Variants in DIAPH3 observed in about 807,000 individuals in gnomAD.
The protein encoded by DIAPH3 is diaphanous related formin 3.
A neutral mutation model predicts 144.3 loss-of-function variants in DIAPH3; 117 were observed. That is an observed-to-expected ratio of 0.81 (90% CI 0.70 to 0.95). The LOEUF is 0.95. Ranked by LOEUF, DIAPH3 falls within the 40% of genes least tolerant of loss-of-function variation. The pLI is 0.00. For missense variants in DIAPH3, 1,421 were observed against 1,412.7 expected, an observed-to-expected ratio of 1.01 and a Z score of -0.09; for synonymous variants, 519 against 488.9, an observed-to-expected ratio of 1.06 and a Z score of -0.81.
At chr13:60,082,364 C>T (rs1191814159) in intron 4 of DIAPH3, among the ~76,000 whole-genome samples, 2 of 146,606 alleles carry the variant, frequency 1.4e-5, no homozygotes, top group East Asian at 2.0e-4. Flanking sequence ...AAAAAGAAAA[C>T]CAAAGCAAAA....
chr13:59,905,980 G>A (rs1265416225), intron 20 of DIAPH3, among the ~76,000 whole-genome samples: 2 of 152,110 alleles, frequency 1.3e-5, no homozygotes, highest in Admixed American at 6.6e-5. Context: ...AGCAGCAACA[G>A]GAAACTAATA....
chr13:60,153,528 C>T (rs1951895621), intron 1 of DIAPH3: 1 of 152,122 alleles, frequency 6.6e-6, no homozygotes, highest in Admixed American at 6.6e-5. Flanking sequence ...ATATCTTCCT[C>T]AGCCTCTGGG....
chr13:59,978,584 T>C (rs2050804355), intron 14 of DIAPH3, among the ~76,000 whole-genome samples: 1 of 151,700 alleles, frequency 6.6e-6, no homozygotes, highest in Admixed American at 6.6e-5. Context: ...AATACTAAAG[T>C]AACTGTATTA....
At chr13:59,830,210 G>A (rs1268470589) in intron 24 of DIAPH3, among the ~76,000 whole-genome samples, 2 of 151,746 alleles carry the variant, frequency 1.3e-5, no homozygotes, top group Admixed American at 1.3e-4. Flanking sequence ...ACATTTATTT[G>A]TCAGGAGTTT....
intron 13 of DIAPH3, among the ~76,000 whole-genome samples, chr13:59,983,426 G>A (rs777479909): frequency 2.0e-5 from 3 of 151,474 alleles, no homozygotes; most frequent in Non-Finnish European, 4.4e-5. Flanking sequence ...CTTTAATAAA[G>A]TTAACATTTT....
Position 59,666,522 on chromosome 13 carries a change from G to T in DIAPH3, c.*62C>A. ...TTACATAAAAGCAATTTTTTCAAGT[G>T]TTATAGTTTAGAGCATGGCTTTATA... On this transcript the variant is annotated 3_prime_UTR_variant, in exon 28 of 28. Coordinates refer to ENST00000400324, the MANE Select transcript of DIAPH3 (RefSeq NM_001042517.2). The T allele has an allele frequency of 1.3e-6, 2 of 1,594,372 alleles. No homozygotes were observed. The highest frequency in any genetic ancestry group is 2.2e-5 in the East Asian group (1 of 44,704).
At chr13:59,915,914 C>T (rs559422928) in intron 19 of DIAPH3, among the ~76,000 whole-genome samples, 1 of 152,184 alleles carries the variant, frequency 6.6e-6, no homozygotes, top group East Asian at 1.9e-4. Context: ...ATTTGCTTTT[C>T]AGAAACAATA....
At chr13:60,077,823 C>G (rs1033366338) in intron 4 of DIAPH3, among the ~76,000 whole-genome samples, 2 of 152,060 alleles carry the variant, frequency 1.3e-5, no homozygotes, top group Admixed American at 1.3e-4. Flanking sequence ...GGATCTTAGT[C>G]TAAATATACG....
At chr13:59,723,790 T>C (rs1434883687) in intron 27 of DIAPH3, among the ~76,000 whole-genome samples, 2 of 151,676 alleles carry the variant, frequency 1.3e-5, no homozygotes, top group Non-Finnish European at 2.9e-5. Context: ...TTTTTTTGTA[T>C]TTTTAGTAGA....
intron 27 of DIAPH3, among the ~76,000 whole-genome samples, chr13:59,712,874 G>A (rs1400248341): frequency 2.0e-5 from 3 of 152,178 alleles, no homozygotes; most frequent in Non-Finnish European, 2.9e-5. Context: ...TTCCACAGGG[G>A]TGAGGGGGAA....
chr13:60,000,547 C>T (rs550601392), intron 9 of DIAPH3, among the ~76,000 whole-genome samples: 1 of 151,792 alleles, frequency 6.6e-6, no homozygotes, highest in African/African-American at 2.4e-5. Flanking sequence ...CAACATAAAC[C>T]CAGCTATTGG....
chr13:59,967,128 G>A (rs1203119837), intron 17 of DIAPH3, among the ~76,000 whole-genome samples: 6 of 152,034 alleles, frequency 3.9e-5, no homozygotes, highest in Non-Finnish European at 5.9e-5. Flanking sequence ...GTGCAGTGGC[G>A]TGATCCTGGC....
chr13:60,068,302 C>T (rs779157807), intron 4 of DIAPH3, among the ~76,000 whole-genome samples: 14 of 152,090 alleles, frequency 9.2e-5, no homozygotes, highest in Admixed American at 2.0e-4. Context: ...ACCAAAAATG[C>T]TATATTACAT....
Position 60,061,538 on chromosome 13 carries a change from A to T in DIAPH3, c.496-18718T>A, listed in dbSNP as rs558727151. On this transcript the variant is annotated intron_variant, in intron 4 of 27. Coordinates refer to ENST00000400324, the MANE Select transcript of DIAPH3 (RefSeq NM_001042517.2). ...TCTTCTCAGTTCTACCATAACATTTAAAAAAAAAAAAATCAAGAAAGAAAC... is the reference window on the plus strand; with the variant it reads ...TCTTCTCAGTTCTACCATAACATTTTAAAAAAAAAAAATCAAGAAAGAAAC... Among the ~76,000 whole-genome samples the T allele has an allele frequency of 5.6e-3, 476 of 84,986 alleles. 1 individual carries two copies. Among genetic ancestry groups the T allele is most frequent in the African/African-American group, 0.014 (438 of 32,440 alleles). 55.8% of individuals were successfully genotyped at this position (84,986 alleles called of 152,430 possible). A position where few individuals can be genotyped will look rare whatever the true frequency, so the allele number is the denominator to read the frequency against.
chr13:59,727,269 A>C (rs1303054476), intron 27 of DIAPH3, among the ~76,000 whole-genome samples: 2 of 152,096 alleles, frequency 1.3e-5, no homozygotes, highest in Non-Finnish European at 2.9e-5. Flanking sequence ...AATTAGGTCC[A>C]ATATCCCTGA....
At chr13:59,827,533 G>C (rs2041511875) in intron 24 of DIAPH3, among the ~76,000 whole-genome samples, 1 of 152,072 alleles carries the variant, frequency 6.6e-6, no homozygotes, top group Non-Finnish European at 1.5e-5. Context: ...TAAGATGTCA[G>C]ATGAAATTTG....
chr13:59,741,678 C>T (rs1291512574), intron 27 of DIAPH3, among the ~76,000 whole-genome samples: 2 of 148,694 alleles, frequency 1.3e-5, no homozygotes, highest in African/African-American at 5.0e-5. Flanking sequence ...GATTGCACCA[C>T]TGCCTTCCAG....
At chr13:60,100,121 C>A (rs968081550) in intron 3 of DIAPH3, among the ~76,000 whole-genome samples, 1 of 152,068 alleles carries the variant, frequency 6.6e-6, no homozygotes, top group African/African-American at 2.4e-5. Flanking sequence ...TATCCTTTTT[C>A]TCCTTAATTA....
chr13:59,879,144 A>G, intron 21 of DIAPH3, 85 bp downstream of exon 21: 2 of 1,574,282 alleles, frequency 1.3e-6, no homozygotes, highest in Non-Finnish European at 1.7e-6. Flanking sequence ...CATCAAAATA[A>G]AAAAATATTT....
Sources: allele counts gnomAD v4.1 joint callset (sites outside exome capture counted in the v4.1 genomes callset), GRCh38; gene constraint gnomAD v4.1.1; transcripts MANE v1.5; gene names NCBI Gene and HGNC (gene_info 2026-07-23, HGNC 2026-07-21).